The following ABRAXAS1 variants were observed in gnomAD, a reference collection of about 807,000 sequenced individuals.
The protein encoded by ABRAXAS1 is abraxas 1, BRCA1 A complex subunit.
ABRAXAS1 carries 26 observed loss-of-function variants against 38.4 expected under a neutral mutation model. The ratio of observed to expected loss-of-function variants is 0.68; its 90% CI spans 0.50 to 0.94. ABRAXAS1 has a LOEUF of 0.94. Among genes scored for constraint, ABRAXAS1 ranks in the 40% least tolerant of loss-of-function variants. ABRAXAS1 has a pLI of 0.00. For synonymous variants in ABRAXAS1, 144 were observed against 165.5 expected (o/e 0.87, Z 1.00); for missense variants, 438 against 481.9 (o/e 0.91, Z 0.85).
intron 2 of ABRAXAS1, chr4:83,477,651 G>T (rs767102811): frequency 5.6e-6 from 3 of 531,392 alleles, no homozygotes; most frequent in Admixed American, 2.2e-5. Flanking sequence ...CACGACTTCA[G>T]GTAGGTTCAA....
chr4:83,470,334 CCTCT>C lies in ABRAXAS1; in HGVS notation c.341_344del (p.Glu114GlyfsTer21), dbSNP rs1722532940. ...GCTCCTGCAAGTTTTTGTGAAGCAG[CCTCT>C]CTCTAAACGTCATGATCTGATCTGA... On this transcript the variant is annotated frameshift_variant, in exon 5 of 9. Coordinates refer to ENST00000321945, the MANE Select transcript of ABRAXAS1 (RefSeq NM_139076.3). LOFTEE classifies it high-confidence loss of function. 1.2e-6 allele frequency: 2 copies of C among 1,613,734 alleles called. No individual in the cohort carries two copies. The highest frequency in any genetic ancestry group is 2.7e-5 in the African/African-American group (2 of 74,904).
At chr4:83,463,203 G>T (rs1025894241) in intron 8 of ABRAXAS1, among the ~76,000 whole-genome samples, 1 of 152,144 alleles carries the variant, frequency 6.6e-6, no homozygotes, top group African/African-American at 2.4e-5. Flanking sequence ...GCTGAGGCGG[G>T]TGGATCACTT....
intron 2 of ABRAXAS1, chr4:83,478,066 T>C (rs1722848545): frequency 2.1e-6 from 2 of 937,546 alleles, no homozygotes; most frequent in African/African-American, 1.6e-5. Flanking sequence ...CTGCTCAGCA[T>C]GCTGCCATCG....
intron 8 of ABRAXAS1, 32 bp from the exon 9 acceptor site, chr4:83,462,934 A>G: frequency 2.2e-6 from 3 of 1,390,202 alleles, no homozygotes; most frequent in South Asian, 2.9e-5. Context: ...TTCAACATAT[A>G]ACATTTCTTC....
At chr4:83,481,819 G>A (rs898269665) in intron 2 of ABRAXAS1, among the ~76,000 whole-genome samples, 8 of 151,868 alleles carry the variant, frequency 5.3e-5, no homozygotes, top group East Asian at 3.9e-4. Context: ...GCACAGTCTC[G>A]GCTCACTGCA....
rs1266518140 is a variant in ABRAXAS1, at chr4:83,462,807, C to G, written c.892G>C (p.Val298Leu). The G allele has an allele frequency of 7.4e-6, 12 of 1,612,764 alleles. No homozygotes were observed. The Admixed American group carries it at 1.0e-4, about 13-fold the overall frequency. ...FPNSEFLHSCVMSLKNRHVSK... is the reference protein window; with the variant it reads ...FPNSEFLHSCLMSLKNRHVSK... ...ACATGTCTATTTTTTAAAGACATAA[C>G]ACATGAATGAAGAAATTCAGAATTT... Residue 298 changes from valine (V) to leucine (L), a missense_variant, in exon 9 of 9, where the codon GTT becomes CTT. Physicochemically the swap from Val to Leu is conservative, Grantham distance 32. Transcript: ENST00000321945.
intron 5 of ABRAXAS1, 133 bp from the exon 6 acceptor site, chr4:83,469,284 T>A: frequency 5.7e-6 from 4 of 696,038 alleles, no homozygotes; most frequent in African/African-American, 1.8e-5. Context: ...TTACTACTTA[T>A]CCAAAATAGA....
intron 4 of ABRAXAS1, among the ~76,000 whole-genome samples, chr4:83,470,689 C>T (rs1383545863): frequency 1.3e-5 from 2 of 152,146 alleles, no homozygotes; most frequent in African/African-American, 2.4e-5. Flanking sequence ...ATCTTGCAAT[C>T]TCACTCTTTA....
At chr4:83,469,403 A>G (rs1413784887) in intron 5 of ABRAXAS1, 4 of 354,946 alleles carry the variant, frequency 1.1e-5, no homozygotes, top group Non-Finnish European at 2.1e-5. Flanking sequence ...TGCAGCTTCA[A>G]CCTCCCGTGC....
At chr4:83,464,416 T>C (rs758835177) in intron 7 of ABRAXAS1, among the ~76,000 whole-genome samples, 44 of 152,192 alleles carry the variant, frequency 2.9e-4, no homozygotes, top group Non-Finnish European at 4.7e-4. Flanking sequence ...TTTGATGCCA[T>C]AATTCCATTT....
intron 4 of ABRAXAS1, among the ~76,000 whole-genome samples, chr4:83,470,996 G>GA (rs1722561231): frequency 6.6e-6 from 1 of 151,990 alleles, no homozygotes; most frequent in South Asian, 2.1e-4. Flanking sequence ...AAGACAAAGA[G>GA]AAAACCAATC....
chr4:83,470,180 G>C (rs773137964), intron 5 of ABRAXAS1, 23 bp downstream of exon 5: 1 of 1,580,550 alleles, frequency 6.3e-7, no homozygotes, highest in Non-Finnish European at 8.6e-7. Context: ...GTTTAATACA[G>C]CCAGTGACTG....
At chr4:83,469,451 G>C (rs2110039049) in intron 5 of ABRAXAS1, 1 of 267,474 alleles carries the variant, frequency 3.7e-6, no homozygotes, top group African/African-American at 2.2e-5. Flanking sequence ...CAAGTAGCTG[G>C]GACTACAGGC....
intron 2 of ABRAXAS1, among the ~76,000 whole-genome samples, chr4:83,476,897 A>G (rs1040759623): frequency 3.3e-5 from 5 of 152,232 alleles, no homozygotes; most frequent in African/African-American, 1.2e-4. Context: ...ATCCAGTGGT[A>G]GGGCCAGAGT....
Position 83,461,504 on chromosome 4 carries a change from C to A in ABRAXAS1, c.*965G>T. ...CTGTTCAGAATGATTTTCCAACTAGCAAATATAAGTATGCCTGGTTAAGAT... is the reference window on the plus strand; with the variant it reads ...CTGTTCAGAATGATTTTCCAACTAGAAAATATAAGTATGCCTGGTTAAGAT... On this transcript the variant is annotated 3_prime_UTR_variant, in exon 9 of 9. Coordinates refer to ENST00000321945, the MANE Select transcript of ABRAXAS1 (RefSeq NM_139076.3). 3.0e-6 allele frequency: 1 copy of A among 333,596 alleles called. No homozygotes were observed. The highest frequency in any genetic ancestry group is 5.7e-6 in the Non-Finnish European group (1 of 176,726). 20.7% of individuals were successfully genotyped at this position (333,596 alleles called of 1,614,324 possible). A position where few individuals can be genotyped will look rare whatever the true frequency, so the allele number is the denominator to read the frequency against.
Position 83,478,255 on chromosome 4 carries a change from C to T in ABRAXAS1, c.179-1576G>A, listed in dbSNP as rs145099123. On this transcript the variant is annotated intron_variant, in intron 2 of 8. Transcript: ENST00000321945. Reference sequence around the variant, plus strand: ...CTCACGTGATGAACCAGAGGGCAATCGTGGGACATGTGGATCTCTATAAGG... The same window carrying T: ...CTCACGTGATGAACCAGAGGGCAATTGTGGGACATGTGGATCTCTATAAGG... 2,367 of 675,150 alleles carry T rather than the reference C, an allele frequency of 3.5e-3. 13 individuals carry two copies. Among genetic ancestry groups the T allele is most frequent in the Middle Eastern group, 0.012 (48 of 3,912 alleles). The allele number at this position is 675,150 out of a possible 1,614,324, so 41.8% of individuals were successfully genotyped here.
At chr4:83,466,956 G>C (rs1722383935) in intron 7 of ABRAXAS1, 1 of 153,364 alleles carries the variant, frequency 6.5e-6, no homozygotes, top group Admixed American at 6.5e-5. Context: ...CTACAGCCAA[G>C]ATAAAATGTG....
In ABRAXAS1 at chr4:83,460,914, AAATT is replaced by A; in HGVS notation, c.*1551_*1554del. On this transcript the variant is annotated 3_prime_UTR_variant, in exon 9 of 9. Coordinates refer to ENST00000321945, the MANE Select transcript of ABRAXAS1 (RefSeq NM_139076.3). ...CAGGGAGACTCCATCTCAAAAAAAAAAATTGCAAACTTTAAATATTGACATTTTT... is the reference window on the plus strand; with the variant it reads ...CAGGGAGACTCCATCTCAAAAAAAAAGCAAACTTTAAATATTGACATTTTT... The A allele has an allele frequency of 6.6e-7, 1 of 1,522,378 alleles. No homozygotes were observed. Among genetic ancestry groups the A allele is most frequent in the Non-Finnish European group, 8.9e-7 (1 of 1,117,386 alleles). The allele number at this position is 1,522,378 out of a possible 1,614,324, so 94.3% of individuals were successfully genotyped here.
chr4:83,470,145 AAGTATTAGATAT>A, intron 5 of ABRAXAS1, 46 bp downstream of exon 5: 1 of 1,336,042 alleles, frequency 7.5e-7, no homozygotes, highest in South Asian at 1.5e-5. Context: ...AAAAAGTACT[AAGTATTAGATAT>A]ATTTTTCTAT....
Sources: allele counts gnomAD v4.1 joint callset (sites outside exome capture counted in the v4.1 genomes callset), GRCh38; gene constraint gnomAD v4.1.1; transcripts MANE v1.5; gene names NCBI Gene and HGNC (gene_info 2026-07-23, HGNC 2026-07-21).